Variants in SLC44A5 observed in about 807,000 individuals in gnomAD.
SLC44A5 encodes choline transporter-like protein 5.
SLC44A5 carries 57 observed loss-of-function variants against 101.8 expected under a neutral mutation model. The ratio of observed to expected loss-of-function variants is 0.56; its 90% CI spans 0.45 to 0.70. The LOEUF (loss-of-function observed/expected upper bound fraction) is 0.70, where lower values mean the gene tolerates loss of function less well. Among genes scored for constraint, SLC44A5 ranks in the 30% least tolerant of loss-of-function variants. The probability of loss-of-function intolerance (pLI) is 0.00; values close to 1 mark genes in which losing one functional copy is unlikely to be tolerated. For synonymous variants in SLC44A5, 281 were observed against 290.9 expected, an observed-to-expected ratio of 0.97 and a Z score of 0.35; for missense variants, 737 against 853.1, an observed-to-expected ratio of 0.86 and a Z score of 1.70.
intron 14 of SLC44A5, among the ~76,000 whole-genome samples, chr1:75,220,598 T>C (rs1333310105): frequency 6.6e-6 from 1 of 152,156 alleles, no homozygotes; most frequent in African/African-American, 2.4e-5. Context: ...AAAATATAAT[T>C]ATCAAGGATA....
At chr1:75,595,424 A>G (rs943368393) in intron 1 of SLC44A5, among the ~76,000 whole-genome samples, 12 of 148,400 alleles carry the variant, frequency 8.1e-5, no homozygotes. Context: ...TTCCCTGTGG[A>G]TCATGGAACC....
chr1:75,677,879 C>G, the SLC44A5 span: 18 of 333,802 alleles, frequency 5.4e-5, no homozygotes, highest in East Asian at 1.1e-4. Flanking sequence ...GAGTGCCAGA[C>G]AGTGGGCGCA....
chr1:75,316,427 CT>C, intron 4 of SLC44A5, among the ~76,000 whole-genome samples: 1 of 152,228 alleles, frequency 6.6e-6, no homozygotes, highest in South Asian at 2.1e-4. Context: ...GTTACCACCT[CT>C]GTGAAGCAAT....
At chr1:75,538,047 A>G (rs564736045) in intron 2 of SLC44A5, 3 of 152,334 alleles carry the variant, frequency 2.0e-5, no homozygotes, top group South Asian at 4.1e-4. Context: ...TTTGTGAGGC[A>G]TCTTTGCAAG....
intron 6 of SLC44A5, among the ~76,000 whole-genome samples, chr1:75,265,428 G>A (rs914500348): frequency 1.3e-5 from 2 of 152,048 alleles, no homozygotes; most frequent in African/African-American, 4.8e-5. Context: ...AAGAGAGGCT[G>A]GTTAATGGGT....
At chr1:75,645,997 G>C in the SLC44A5 span, among the ~76,000 whole-genome samples, 2 of 133,264 alleles carry the variant, frequency 1.5e-5, no homozygotes, top group Admixed American at 1.5e-4. Context: ...CCATATATCT[G>C]TTCTGGTACC....
At chr1:75,689,941 A>C in the SLC44A5 span, among the ~76,000 whole-genome samples, 10 of 152,288 alleles carry the variant, frequency 6.6e-5, no homozygotes, top group East Asian at 5.8e-4. Context: ...CCTCAGATTC[A>C]GACTCTCCTG....
the SLC44A5 span, among the ~76,000 whole-genome samples, chr1:75,664,995 A>G: frequency 9.2e-5 from 14 of 152,030 alleles, no homozygotes; most frequent in Admixed American, 2.6e-4. Context: ...ACGTTTATAG[A>G]TGGGAAGAAT....
the SLC44A5 span, among the ~76,000 whole-genome samples, chr1:75,638,245 A>G: frequency 6.6e-6 from 1 of 152,098 alleles, no homozygotes; most frequent in African/African-American, 2.4e-5. Flanking sequence ...TTTCAAGTAT[A>G]GTGACTCTGA....
intron 2 of SLC44A5, among the ~76,000 whole-genome samples, chr1:75,460,865 C>T (rs1666457535): frequency 6.6e-6 from 1 of 152,060 alleles, no homozygotes; most frequent in Admixed American, 6.5e-5. Context: ...CATCCAACTA[C>T]CTTCTAGTTG....
chr1:75,618,310 C>T, the SLC44A5 span, among the ~76,000 whole-genome samples: 1 of 152,174 alleles, frequency 6.6e-6, no homozygotes, highest in African/African-American at 2.4e-5. Flanking sequence ...ATGACAATCA[C>T]ATAAGATCAT....
At chr1:75,714,079 T>C in the SLC44A5 span, among the ~76,000 whole-genome samples, 2 of 152,292 alleles carry the variant, frequency 1.3e-5, no homozygotes, top group Admixed American at 6.5e-5. Context: ...ATTATAACTA[T>C]AGGTGTGAGA....
At chr1:75,619,012 G>A in the SLC44A5 span, among the ~76,000 whole-genome samples, 1 of 147,116 alleles carries the variant, frequency 6.8e-6, no homozygotes, top group East Asian at 2.0e-4. Context: ...GGAGGTTGCA[G>A]TGAGCCGAGA....
chr1:75,441,849 T>C (rs1227623912), intron 2 of SLC44A5, among the ~76,000 whole-genome samples: 3 of 152,150 alleles, frequency 2.0e-5, no homozygotes, highest in Non-Finnish European at 4.4e-5. Context: ...GATTTTGACA[T>C]GCTTTAATTA....
intron 3 of SLC44A5, among the ~76,000 whole-genome samples, chr1:75,351,636 T>C (rs1052292164): frequency 1.3e-5 from 2 of 152,058 alleles, no homozygotes; most frequent in South Asian, 2.1e-4. Context: ...AGGGAAAGCA[T>C]TGCCACACTT....
At chr1:75,481,529 A>T (rs1261628001) in intron 2 of SLC44A5, among the ~76,000 whole-genome samples, 1 of 152,096 alleles carries the variant, frequency 6.6e-6, no homozygotes, top group Non-Finnish European at 1.5e-5. Context: ...AATATCCAGA[A>T]TCTACAATGA....
intron 2 of SLC44A5, among the ~76,000 whole-genome samples, chr1:75,442,155 G>A (rs909771778): frequency 4.6e-5 from 7 of 151,972 alleles, no homozygotes; most frequent in African/African-American, 1.5e-4. Context: ...TTTGTAATTC[G>A]GCTCTAGTGC....
At chr1:75,444,466 A>AAGAAAAAG in intron 2 of SLC44A5, among the ~76,000 whole-genome samples, 2 of 136,840 alleles carry the variant, frequency 1.5e-5, no homozygotes, top group Admixed American at 7.6e-5. Context: ...AAAAAGAAAA[A>AAGAAAAAG]AAGAAAGAGA....
the SLC44A5 span, among the ~76,000 whole-genome samples, chr1:75,721,242 G>C: frequency 1.3e-5 from 2 of 152,170 alleles, no homozygotes; most frequent in Non-Finnish European, 2.9e-5. Flanking sequence ...CATTCAGATA[G>C]TTGGGGGGAA....
Sources: allele counts gnomAD v4.1 joint callset (sites outside exome capture counted in the v4.1 genomes callset), GRCh38; gene constraint gnomAD v4.1.1; transcripts MANE v1.5; gene names NCBI Gene and HGNC (gene_info 2026-07-23, HGNC 2026-07-21).